NFATC3: variants seen among roughly 807,000 people sequenced by gnomAD.
The protein encoded by NFATC3 is nuclear factor of activated T-cells, cytoplasmic 3.
NFATC3 carries 46 observed loss-of-function variants against 98.6 expected under a neutral mutation model. That is an observed-to-expected ratio of 0.47 (90% CI 0.37 to 0.60). The LOEUF (loss-of-function observed/expected upper bound fraction) is 0.60, where lower values mean the gene tolerates loss of function less well. Ranked by LOEUF, NFATC3 falls within the 20% of genes least tolerant of loss-of-function variation. The pLI, the probability that NFATC3 is intolerant of heterozygous loss-of-function variation, is 0.00. For synonymous variants in NFATC3, 512 were observed against 472.2 expected, an observed-to-expected ratio of 1.08 and a Z score of -1.09; for missense variants, 1,256 against 1,295.5, an observed-to-expected ratio of 0.97 and a Z score of 0.47.
intron 9 of NFATC3, chr16:68,221,679 C>A: frequency 1.3e-6 from 1 of 755,888 alleles, no homozygotes; most frequent in Middle Eastern, 6.7e-4. Context: ...TGAGTATAGT[C>A]CGCTTGAGCA....
At chr16:68,204,333 G>A (rs1370752970) in intron 9 of NFATC3, among the ~76,000 whole-genome samples, 1 of 152,226 alleles carries the variant, frequency 6.6e-6, no homozygotes, top group Non-Finnish European at 1.5e-5. Context: ...CTGCACTCCA[G>A]CCTGGGCAGC....
chr16:68,118,214 T>C (rs1299717786), intron 1 of NFATC3, among the ~76,000 whole-genome samples: 1 of 152,240 alleles, frequency 6.6e-6, no homozygotes, highest in Non-Finnish European at 1.5e-5. Flanking sequence ...GCTTACATGC[T>C]ACCCTCTCAA....
chr16:68,116,864 A>G (rs2036305303), intron 1 of NFATC3, among the ~76,000 whole-genome samples: 1 of 151,788 alleles, frequency 6.6e-6, no homozygotes, highest in African/African-American at 2.4e-5. Context: ...AATCAAGTAC[A>G]TTCTTAAGTA....
intron 9 of NFATC3, among the ~76,000 whole-genome samples, chr16:68,219,042 G>A (rs2041751515): frequency 1.3e-5 from 2 of 151,874 alleles, no homozygotes; most frequent in South Asian, 2.1e-4. Flanking sequence ...CCAGAAGTTC[G>A]AGACCAGCCT....
In NFATC3 at chr16:68,157,973, T is replaced by C; in HGVS notation, c.1506T>C (p.Thr502=). 1 of 1,614,030 alleles carries C rather than the reference T, an allele frequency of 6.2e-7. No individual in the cohort carries two copies. The highest frequency in any genetic ancestry group is 2.2e-5 in the East Asian group (1 of 44,860). ...PHAFYQVHRI[T]GKTVATASQE... ...CATTTTACCAGGTGCATCGAATCAC[T>C]GGGAAGACAGTCGCTACTGCAAGCC... The change falls in exon 4 of 10, where the codon ACT becomes ACC. Residue 502 remains threonine (T), a synonymous_variant. Coordinates refer to ENST00000346183, the MANE Select transcript of NFATC3 (RefSeq NM_173165.3).
intron 1 of NFATC3, among the ~76,000 whole-genome samples, chr16:68,110,167 G>T (rs1289420777): frequency 6.6e-6 from 1 of 151,978 alleles, no homozygotes; most frequent in East Asian, 1.9e-4. Context: ...ACCACACTGG[G>T]CTAATTTTTG....
rs769182317 is a variant in NFATC3 at position 68,191,082 on chromosome 16, A to G, written c.2413A>G (p.Met805Val). ...TPPVGSSYQP[M>V]QTNVVYNGPT... ...TCCTGTGGGGTCTTCCTATCAGCCT[A>G]TGCAAACTAATGTTGTGTACAATGG... The change falls in exon 9 of 10, where the codon ATG (methionine) becomes GTG (valine). Residue 805 changes from methionine (M) to valine (V), a missense_variant. Around this residue, in one of 3 missense-constraint regions of NFATC3, gnomAD observed 636 missense variants for 617.3 expected, o/e 1.03. Transcript: ENST00000346183. 2.2e-5 allele frequency: 35 copies of G among 1,614,196 alleles called. No individual in the cohort carries two copies. The highest frequency in any genetic ancestry group is 1.3e-4 in the African/African-American group (10 of 75,048).
At position 68,191,556 on chromosome 16, in the gene NFATC3, C is replaced by G. The variant is rs1301506350; in HGVS notation, c.2887C>G (p.Pro963Ala). 1 of 1,614,170 alleles carries G rather than the reference C, an allele frequency of 6.2e-7. No individual in the cohort carries two copies. The highest frequency in any genetic ancestry group is 1.7e-5 in the Admixed American group (1 of 60,008). Reference protein sequence around the residue: ...QSPSSGTASSPSPATRMHSGQ... With the variant: ...QSPSSGTASSASPATRMHSGQ... ...TCCTAGCTCAGGAACTGCCTCATCA[C>G]CGTCTCCAGCCACCAGAATGCATTC... Residue 963 changes from proline (P) to alanine (A), a missense_variant, in exon 9 of 10, where the codon CCG (proline) becomes GCG (alanine). By Grantham distance (27) the Pro-to-Ala change is conservative (BLOSUM62 -1). This residue lies in a region of NFATC3 where 636 missense variants were observed against 617.3 expected (regional missense o/e 1.03). Transcript: ENST00000346183.
At chr16:68,199,325 G>A (rs925654088) in intron 9 of NFATC3, among the ~76,000 whole-genome samples, 1 of 148,970 alleles carries the variant, frequency 6.7e-6, no homozygotes, top group Non-Finnish European at 1.5e-5. Flanking sequence ...CCGGGTTCAC[G>A]CCATTCTCCT....
chr16:68,133,627 C>T (rs2037231934), intron 3 of NFATC3, among the ~76,000 whole-genome samples: 1 of 152,154 alleles, frequency 6.6e-6, no homozygotes, highest in African/African-American at 2.4e-5. Flanking sequence ...TCATGCTTCT[C>T]AATTCTCATC....
At chr16:68,149,367 A>G (rs1358307194) in intron 3 of NFATC3, among the ~76,000 whole-genome samples, 1 of 152,216 alleles carries the variant, frequency 6.6e-6, no homozygotes, top group African/African-American at 2.4e-5. Context: ...AGATTCTAAG[A>G]AATAAACTTT....
intron 3 of NFATC3, 132 bp downstream of exon 3, chr16:68,126,742 C>T (rs548047941): frequency 3.6e-5 from 28 of 769,828 alleles, no homozygotes; most frequent in Admixed American, 5.8e-5. Context: ...GTTTTGGGGG[C>T]TTGTTGATGT....
At chr16:68,171,560 G>A (rs1464467104) in intron 5 of NFATC3, among the ~76,000 whole-genome samples, 2 of 149,480 alleles carry the variant, frequency 1.3e-5, no homozygotes, top group African/African-American at 2.5e-5. Flanking sequence ...TGCAATCTTC[G>A]CCTCCCAGGT....
intron 1 of NFATC3, chr16:68,088,934 A>C (rs1306591252): frequency 3.5e-5 from 34 of 981,598 alleles, no homozygotes; most frequent in Non-Finnish European, 3.9e-5. Context: ...AAATGCTGGG[A>C]TTACAGGTGT....
At chr16:68,124,734 G>A (rs1406681222) in intron 2 of NFATC3, among the ~76,000 whole-genome samples, 3 of 144,044 alleles carry the variant, frequency 2.1e-5, no homozygotes, top group South Asian at 4.5e-4. Flanking sequence ...CACCCACCCG[G>A]CCTTCTCTTT....
chr16:68,210,793 T>C (rs549692604), intron 9 of NFATC3, among the ~76,000 whole-genome samples: 10 of 152,120 alleles, frequency 6.6e-5, no homozygotes, highest in Non-Finnish European at 1.3e-4. Context: ...TGTTTTTTTG[T>C]TTGTTTGAGA....
chr16:68,220,950 T>C (rs1315180972), intron 9 of NFATC3, among the ~76,000 whole-genome samples: 1 of 152,098 alleles, frequency 6.6e-6, no homozygotes, highest in African/African-American at 2.4e-5. Context: ...ACTTTGTTTG[T>C]TGGCCAGGCT....
At chr16:68,102,955 C>T (rs1303535027) in intron 1 of NFATC3, among the ~76,000 whole-genome samples, 1 of 152,020 alleles carries the variant, frequency 6.6e-6, no homozygotes, top group East Asian at 1.9e-4. Context: ...ACCTAATGAC[C>T]AGTGATGTTG....
intron 4 of NFATC3, among the ~76,000 whole-genome samples, chr16:68,159,045 A>G (rs1205098804): frequency 6.6e-6 from 1 of 152,210 alleles, no homozygotes; most frequent in Non-Finnish European, 1.5e-5. Flanking sequence ...CAGCCTGAGC[A>G]ACATGGCGAA....
Sources: gnomAD v4.1 joint callset for allele counts (sites outside exome capture counted in the v4.1 genomes callset) on GRCh38, gnomAD v4.1.1 for gene constraint, gnomAD v4.1.1 regional missense constraint, MANE v1.5 for transcripts, NCBI Gene and HGNC (gene_info 2026-07-23, HGNC 2026-07-21) for gene names.